Variants in FOXP1 observed in about 807,000 individuals in gnomAD.
The protein encoded by FOXP1 is forkhead box P1.
A neutral mutation model predicts 98.2 loss-of-function variants in FOXP1; 15 were observed. The observed-to-expected ratio is 0.15, with a 90% CI of 0.10 to 0.24. The LOEUF is 0.24. FOXP1 is among the 10% of genes least tolerant of loss of function. FOXP1 has a pLI of 1.00. For missense variants in FOXP1, 633 were observed against 848.5 expected (o/e 0.75, Z 3.15); for synonymous variants, 371 against 314.5 (o/e 1.18, Z -1.90).
chr3:71,151,089 C>T (rs2060548817), intron 6 of FOXP1, among the ~76,000 whole-genome samples: 1 of 152,178 alleles, frequency 6.6e-6, no homozygotes, highest in Non-Finnish European at 1.5e-5. Flanking sequence ...GTGCAAATTC[C>T]TTCTTAGCCC....
chr3:71,221,654 T>C (rs566083006), intron 5 of FOXP1, among the ~76,000 whole-genome samples: 1 of 152,176 alleles, frequency 6.6e-6, no homozygotes, highest in African/African-American at 2.4e-5. Flanking sequence ...AGTCTATATA[T>C]AAATATACTC....
chr3:71,270,738 G>A (rs1427290310), intron 5 of FOXP1, among the ~76,000 whole-genome samples: 1 of 152,280 alleles, frequency 6.6e-6, no homozygotes, highest in Admixed American at 6.5e-5. Flanking sequence ...CCCTCAAAAA[G>A]TTACCAAGTG....
intron 2 of FOXP1, among the ~76,000 whole-genome samples, chr3:71,506,361 T>C (rs911805473): frequency 5.3e-5 from 8 of 152,192 alleles, no homozygotes; most frequent in Admixed American, 1.3e-4. Context: ...CATGTAAACC[T>C]TGAAACAGGG....
intron 14 of FOXP1, among the ~76,000 whole-genome samples, chr3:70,986,746 CT>C (rs1199301443): frequency 7.4e-6 from 1 of 134,932 alleles, no homozygotes; most frequent in Non-Finnish European, 1.5e-5. Flanking sequence ...TAGCCATTTA[CT>C]GTAAAATAAT....
chr3:71,270,856 A>G (rs1469682797), intron 5 of FOXP1, among the ~76,000 whole-genome samples: 1 of 150,948 alleles, frequency 6.6e-6, no homozygotes. Context: ...GGGGAAATCA[A>G]TTATTATGCC....
intron 3 of FOXP1, among the ~76,000 whole-genome samples, chr3:71,467,381 CAAGTT>C (rs1472619364): frequency 6.6e-6 from 1 of 152,082 alleles, no homozygotes; most frequent in Non-Finnish European, 1.5e-5. Context: ...GATGAAAAGA[CAAGTT>C]AATAGAAGGA....
chr3:71,182,221 C>T (rs530915876), intron 6 of FOXP1, among the ~76,000 whole-genome samples: 1 of 152,016 alleles, frequency 6.6e-6, no homozygotes, highest in African/African-American at 2.4e-5. Flanking sequence ...AGAGATAACA[C>T]CAGGGAGCAG....
At chr3:71,399,554 G>A (rs2081807401) in intron 3 of FOXP1, among the ~76,000 whole-genome samples, 1 of 152,122 alleles carries the variant, frequency 6.6e-6, no homozygotes, top group Non-Finnish European at 1.5e-5. Context: ...ATTGCACACA[G>A]AACATAGTTC....
In FOXP1 at chr3:71,232,361, T is replaced by C. The variant is rs1227805224; in HGVS notation, c.-11-33969A>G. On this transcript the variant is annotated intron_variant, in intron 5 of 20. Transcript: ENST00000649528. ...GCTGAGAAAAAGTACTGTGATCAATTAGCAATGTCTGCTATGAGAACTGAC... is the reference window on the plus strand; with the variant it reads ...GCTGAGAAAAAGTACTGTGATCAATCAGCAATGTCTGCTATGAGAACTGAC... 3.3e-5 allele frequency among the ~76,000 whole-genome samples: 5 copies of C among 152,114 alleles called. No homozygotes were observed. In the East Asian group the frequency reaches 7.7e-4, roughly 23 times the overall value.
At chr3:71,055,539 G>A (rs929852345) in intron 7 of FOXP1, among the ~76,000 whole-genome samples, 1 of 152,170 alleles carries the variant, frequency 6.6e-6, no homozygotes, top group Non-Finnish European at 1.5e-5. Flanking sequence ...TTTGTAGCAC[G>A]AAATATCACC....
At chr3:71,478,536 C>T (rs2090030214) in intron 3 of FOXP1, among the ~76,000 whole-genome samples, 1 of 152,214 alleles carries the variant, frequency 6.6e-6, no homozygotes, top group Non-Finnish European at 1.5e-5. Flanking sequence ...AGGAGGTTGA[C>T]TGATGAACAA....
intron 5 of FOXP1, among the ~76,000 whole-genome samples, chr3:71,227,315 C>T (rs370544265): frequency 1.4e-4 from 21 of 152,238 alleles, no homozygotes; most frequent in Admixed American, 2.6e-4. Flanking sequence ...CAAAAATTAC[C>T]GTGTCTTCCT....
chr3:71,256,348 G>A (rs553890083), intron 5 of FOXP1, among the ~76,000 whole-genome samples: 6 of 152,122 alleles, frequency 3.9e-5, no homozygotes, highest in East Asian at 1.9e-4. Flanking sequence ...TGGTGGGGGC[G>A]GGGCATCCAG....
chr3:71,498,263 G>T (rs1272378452), intron 2 of FOXP1, among the ~76,000 whole-genome samples: 1 of 152,154 alleles, frequency 6.6e-6, no homozygotes, highest in Non-Finnish European at 1.5e-5. Flanking sequence ...ATGTTTTCTT[G>T]TTTTGTTCTC....
chr3:71,423,713 T>A lies in FOXP1; in HGVS notation c.-167-64469A>T, dbSNP rs139124466. ...GGATTTCTCAGTCACGTTATCTGCA[T>A]CCCAGGCACACTGTATCTCCCACCT... On this transcript the variant is annotated intron_variant, in intron 3 of 20. Coordinates refer to ENST00000649528, the MANE Select transcript of FOXP1 (RefSeq NM_001349338.3). Among the ~76,000 whole-genome samples the A allele has an allele frequency of 5.9e-5, 9 of 152,258 alleles. No individual in the cohort carries two copies. In the East Asian group the frequency reaches 1.4e-3, roughly 23 times the overall value.
At chr3:71,482,995 C>A (rs988934823) in intron 3 of FOXP1, among the ~76,000 whole-genome samples, 4 of 151,906 alleles carry the variant, frequency 2.6e-5, no homozygotes, top group Admixed American at 1.3e-4. Flanking sequence ...GCTACCACAT[C>A]CGGCTAATTT....
intron 2 of FOXP1, among the ~76,000 whole-genome samples, chr3:71,556,988 T>C (rs1255636676): frequency 6.6e-6 from 1 of 151,314 alleles, no homozygotes; most frequent in Admixed American, 6.6e-5. Flanking sequence ...GAATATTCAA[T>C]GACTAAAAAA....
At chr3:70,969,587 C>T (rs2035745962) in intron 19 of FOXP1, 1 of 152,244 alleles carries the variant, frequency 6.6e-6, no homozygotes, top group South Asian at 2.1e-4. Context: ...TCAGTATCTC[C>T]TCCTTCCTCA....
intron 12 of FOXP1, among the ~76,000 whole-genome samples, chr3:71,010,359 G>A (rs1385270971): frequency 6.6e-6 from 1 of 152,116 alleles, no homozygotes; most frequent in Admixed American, 6.6e-5. Context: ...GTGACCTTGG[G>A]TAAATCATTT....
Sources: allele counts gnomAD v4.1 joint callset (sites outside exome capture counted in the v4.1 genomes callset), GRCh38; gene constraint gnomAD v4.1.1; transcripts MANE v1.5; gene names NCBI Gene and HGNC (gene_info 2026-07-23, HGNC 2026-07-21).